The following CEMIP2 variants were observed in gnomAD, a reference collection of about 807,000 sequenced individuals.
CEMIP2 encodes cell migration inducing hyaluronidase 2, also known as cell surface hyaluronidase CEMIP2.
In CEMIP2, 79 loss-of-function variants were observed where a neutral mutation model predicts 146.9. The observed-to-expected ratio is 0.54, with a 90% CI of 0.45 to 0.65. The LOEUF (loss-of-function observed/expected upper bound fraction) is 0.65, where lower values mean the gene tolerates loss of function less well. Among genes scored for constraint, CEMIP2 ranks in the 30% least tolerant of loss-of-function variants. CEMIP2 has a pLI of 0.00. For synonymous variants in CEMIP2, 601 were observed against 606.3 expected, an observed-to-expected ratio of 0.99 and a Z score of 0.13; for missense variants, 1,596 against 1,696.2, an observed-to-expected ratio of 0.94 and a Z score of 1.04.
chr9:71,745,257 C>G lies in CEMIP2; in HGVS notation c.795G>C (p.Arg265=), dbSNP rs1344082206. The change falls in exon 4 of 24, where the codon CGG becomes CGC. Residue 265 remains arginine (R), a synonymous_variant. Coordinates refer to ENST00000377044, the MANE Select transcript of CEMIP2 (RefSeq NM_013390.3). ...GGTCAATGACCCTCACATTGAGGCC[C>G]CGGGAAAAGTCCTTTTCAAAGGTAT... ...GSYTFEKDFS[R]GLNVRVIDQD... is the part of the protein sequence containing the mutation. 1.2e-6 allele frequency: 2 copies of G among 1,614,034 alleles called. No individual in the cohort carries two copies. Among genetic ancestry groups the G allele is most frequent in the Non-Finnish European group, 1.7e-6 (2 of 1,179,998 alleles).
intron 5 of CEMIP2, among the ~76,000 whole-genome samples, chr9:71,738,428 T>C (rs1420454970): frequency 1.3e-5 from 2 of 151,910 alleles, no homozygotes; most frequent in African/African-American, 4.8e-5. Context: ...GGCAGGAGAA[T>C]TGCTTGAAAC....
chr9:71,734,720 T>C (rs1042252758), intron 6 of CEMIP2, 86 bp downstream of exon 6: 2 of 1,243,160 alleles, frequency 1.6e-6, no homozygotes, highest in Non-Finnish European at 2.2e-6. Context: ...GTAGTGATGG[T>C]AGTGACTGAG....
intron 23 of CEMIP2, 135 bp from the exon 24 acceptor site, chr9:71,685,528 C>G (rs1822034719): frequency 9.7e-6 from 11 of 1,134,592 alleles, no homozygotes; most frequent in African/African-American, 1.6e-5. Flanking sequence ...TTCCTTACAT[C>G]AGCAAATGAA....
intron 4 of CEMIP2, among the ~76,000 whole-genome samples, chr9:71,744,643 A>G (rs1299499225): frequency 6.6e-6 from 1 of 152,186 alleles, no homozygotes; most frequent in Admixed American, 6.5e-5. Flanking sequence ...CTAACCTTTA[A>G]ACTCATTAAG....
chr9:71,733,684 G>A (rs188056161), intron 6 of CEMIP2, among the ~76,000 whole-genome samples: 1 of 152,256 alleles, frequency 6.6e-6, no homozygotes, highest in Non-Finnish European at 1.5e-5. Flanking sequence ...GTATAATGTT[G>A]AGTTCAAAAG....
In CEMIP2 at chr9:71,700,759, T is replaced by C. The variant is rs778012500; in HGVS notation, c.3260A>G (p.Tyr1087Cys). Reference sequence around the variant, plus strand: ...TAATGAGCCATTCTGCCGCTGCAAATAGCCAAAGGTAACTTGAAAACTTGT... The same window carrying C: ...TAATGAGCCATTCTGCCGCTGCAAACAGCCAAAGGTAACTTGAAAACTTGT... ...SNTSFQVTFGYLQRQNGSLSK... is the reference protein window; with the variant it reads ...SNTSFQVTFGCLQRQNGSLSK... The change falls in exon 19 of 24, where the codon TAT (tyrosine) becomes TGT (cysteine). Residue 1087 changes from tyrosine to cysteine, a missense_variant. By Grantham distance (194) the Tyr-to-Cys change is radical. Coordinates refer to ENST00000377044, the MANE Select transcript of CEMIP2 (RefSeq NM_013390.3). 2 of 1,614,120 alleles carry C rather than the reference T, an allele frequency of 1.2e-6. No homozygotes were observed. The highest frequency in any genetic ancestry group is 1.3e-5 in the African/African-American group (1 of 75,058).
chr9:71,757,785 C>A (rs758033081), intron 1 of CEMIP2, among the ~76,000 whole-genome samples: 3 of 152,146 alleles, frequency 2.0e-5, no homozygotes, highest in Non-Finnish European at 2.9e-5. Flanking sequence ...AGGGTTAGGG[C>A]GTTTCATTTA....
chr9:71,736,843 C>T (rs956850416), intron 5 of CEMIP2, among the ~76,000 whole-genome samples: 2 of 152,118 alleles, frequency 1.3e-5, no homozygotes, highest in South Asian at 2.1e-4. Context: ...ACTTCTCTGT[C>T]GTCTAATTAA....
chr9:71,764,420 GA>G (rs138071447), intron 1 of CEMIP2, among the ~76,000 whole-genome samples: 2,110 of 140,600 alleles, frequency 0.015, 24 homozygotes, highest in Non-Finnish European at 0.017. Flanking sequence ...ATCTGAGAAA[GA>G]AAAAAAAAAA....
At chr9:71,756,116 A>T (rs1239265867) in intron 1 of CEMIP2, among the ~76,000 whole-genome samples, 1 of 151,108 alleles carries the variant, frequency 6.6e-6, no homozygotes, top group Non-Finnish European at 1.5e-5. Flanking sequence ...GCTTACATAC[A>T]ACATACAGTA....
At chr9:71,728,265 A>ATATATATATATGTG (rs1823475097) in intron 10 of CEMIP2, among the ~76,000 whole-genome samples, 3 of 9,210 alleles carry the variant, frequency 3.3e-4, no homozygotes, top group Non-Finnish European at 3.9e-4. Context: ...ATACACGTAT[A>ATATATATATATGTG]TATATATATA....
At chr9:71,689,410 T>A (rs1198205246) in intron 22 of CEMIP2, among the ~76,000 whole-genome samples, 1 of 152,110 alleles carries the variant, frequency 6.6e-6, no homozygotes, top group African/African-American at 2.4e-5. Flanking sequence ...ACACCCTGAG[T>A]TCATCTCCTT....
Position 71,704,769 on chromosome 9 carries a change from G to A in CEMIP2, c.3020C>T (p.Ser1007Phe). Residue 1007 changes from serine (S) to phenylalanine (F), a missense_variant, in exon 18 of 24, where the codon TCT becomes TTT. Coordinates refer to ENST00000377044, the MANE Select transcript of CEMIP2 (RefSeq NM_013390.3). Reference protein sequence around the residue: ...YVQTWSTQNLSMTITRDEYPS... With the variant: ...YVQTWSTQNLFMTITRDEYPS... The stretch of plus-strand genomic sequence containing the variant: ...ATACTCATCTCGTGTAATGGTCATA[G>A]AAAGATTCTGAGTGCTCCATGTCTG... 2 of 1,614,144 alleles carry A rather than the reference G, an allele frequency of 1.2e-6. No homozygotes were observed. The highest frequency in any genetic ancestry group is 1.7e-6 in the Non-Finnish European group (2 of 1,180,010).
intron 18 of CEMIP2, among the ~76,000 whole-genome samples, chr9:71,702,445 G>A (rs114120463): frequency 6.7e-6 from 1 of 150,146 alleles, no homozygotes; most frequent in Non-Finnish European, 1.5e-5. Flanking sequence ...GGTAAGGGGG[G>A]TAGTTAAAAA....
chr9:71,741,642 T>G (rs1823921515), intron 4 of CEMIP2, among the ~76,000 whole-genome samples: 2 of 131,742 alleles, frequency 1.5e-5, no homozygotes, highest in African/African-American at 5.6e-5. Flanking sequence ...TTTTTTTTTT[T>G]TTTTTTTTTT....
chr9:71,758,382 C>T (rs7859152), intron 1 of CEMIP2, among the ~76,000 whole-genome samples: 4,896 of 152,242 alleles, frequency 0.032, 225 homozygotes, highest in African/African-American at 0.11. Flanking sequence ...GTGTTATACA[C>T]AGGAGACTTC....
At chr9:71,748,417 G>C (rs1242524554) in intron 2 of CEMIP2, among the ~76,000 whole-genome samples, 1 of 152,118 alleles carries the variant, frequency 6.6e-6, no homozygotes, top group Non-Finnish European at 1.5e-5. Context: ...CAGCATACCA[G>C]ATCTTTCCAC....
At chr9:71,726,801 G>A (rs1273078658) in intron 10 of CEMIP2, among the ~76,000 whole-genome samples, 1 of 152,118 alleles carries the variant, frequency 6.6e-6, no homozygotes, top group Non-Finnish European at 1.5e-5. Flanking sequence ...ACTCTTCTGG[G>A]CACAAAACAG....
intron 12 of CEMIP2, 141 bp from the exon 13 acceptor site, chr9:71,718,220 T>G: frequency 1.3e-6 from 1 of 771,834 alleles, no homozygotes; most frequent in Non-Finnish European, 1.9e-6. Context: ...TTACTTACAT[T>G]TTAAACATTC....
Sources: allele counts gnomAD v4.1 joint callset (sites outside exome capture counted in the v4.1 genomes callset), GRCh38; gene constraint gnomAD v4.1.1; transcripts MANE v1.5; gene names NCBI Gene and HGNC (gene_info 2026-07-23, HGNC 2026-07-21).